KCP: variants seen among roughly 807,000 people sequenced by gnomAD.
The protein encoded by KCP is kielin/chordin-like protein.
In KCP, 194 loss-of-function variants were observed where a neutral mutation model predicts 212.7. The observed-to-expected ratio is 0.91, with a 90% CI of 0.81 to 1.03. The LOEUF is 1.03. KCP is among the 50% of genes least tolerant of loss of function. The probability of loss-of-function intolerance (pLI) is 0.00; values close to 1 mark genes in which losing one functional copy is unlikely to be tolerated. For missense variants in KCP, 2,080 were observed against 2,162.5 expected (o/e 0.96, Z 0.76); for synonymous variants, 833 against 865.3 (o/e 0.96, Z 0.65).
chr7:128,882,055 G>A, intron 29 of KCP, 39 bp from the exon 30 acceptor site: 4 of 1,480,316 alleles, frequency 2.7e-6, no homozygotes, highest in Non-Finnish European at 3.7e-6. Context: ...ACAGAAAGAG[G>A]GGCACAGGGC....
chr7:128,905,262 AT>A (rs1795068101), intron 5 of KCP, among the ~76,000 whole-genome samples: 1 of 152,132 alleles, frequency 6.6e-6, no homozygotes, highest in African/African-American at 2.4e-5. Flanking sequence ...TGTCCTAAAT[AT>A]TGCATAGGAT....
In KCP at chr7:128,884,108, C is replaced by T; in HGVS notation, c.3138G>A (p.Gly1046=). The change falls in exon 29 of 40, where the codon GGG becomes GGA. Residue 1046 remains glycine, a synonymous_variant. Transcript: ENST00000610776. The part of the protein sequence containing the change: ...EVCICEPQPE[G]PPSLRCHRRQ... The stretch of plus-strand genomic sequence containing the variant: ...GCCGGTGACAGCGAAGGCTGGGAGG[C>T]CCCTCAGGCTGTGGCTACAAGAATG... 1.3e-6 allele frequency: 2 copies of T among 1,544,398 alleles called. No homozygotes were observed.
intron 27 of KCP, 44 bp from the exon 28 acceptor site, chr7:128,884,907 G>C (rs918535485): frequency 2.6e-6 from 4 of 1,536,674 alleles, no homozygotes; most frequent in Non-Finnish European, 3.5e-6. Flanking sequence ...GGGTCCTTCA[G>C]GCTGGCAGCG....
rs1795177223 is a variant in KCP at position 128,907,345 on chromosome 7, C to T, written c.328G>A (p.Glu110Lys). ...GRAWPEGARW[E>K]PDACTACVCQ... ...ACGCAGGCTGTGCAGGCGTCAGGCT[C>T]CCAGCGTGCCCCCTCGGGCCAGGCA... Residue 110 changes from glutamate (E) to lysine (K), a missense_variant, in exon 3 of 40, where the codon GAG becomes AAG. Glu to Lys is a moderately conservative substitution (Grantham distance 56). Coordinates refer to ENST00000610776, the MANE Select transcript of KCP (RefSeq NM_001366122.1). The T allele has an allele frequency of 6.5e-7, 1 of 1,542,884 alleles. No individual in the cohort carries two copies. The highest frequency in any genetic ancestry group is 8.8e-7 in the Non-Finnish European group (1 of 1,140,692).
At chr7:128,904,315 TGG>T in intron 5 of KCP, 177 bp from the exon 6 acceptor site, 2 of 1,552,006 alleles carry the variant, frequency 1.3e-6, no homozygotes, top group South Asian at 2.4e-5. Context: ...ACTCCCCAGG[TGG>T]GGTGCAGCTC....
At chr7:128,884,412 C>CT (rs1793518462) in intron 28 of KCP, among the ~76,000 whole-genome samples, 1 of 152,160 alleles carries the variant, frequency 6.6e-6, no homozygotes, top group African/African-American at 2.4e-5. Flanking sequence ...AGGCCCATGG[C>CT]TTAGTACCCT....
At chr7:128,880,973 C>T (rs1793294816) in intron 32 of KCP, 24 bp downstream of exon 32, 1 of 398,936 alleles carries the variant, frequency 2.5e-6, no homozygotes, top group Non-Finnish European at 4.4e-6. Context: ...GATCCTCCAC[C>T]CTCCCAGGCC....
In KCP at chr7:128,904,112, C is replaced by T. The variant is rs2128950161; in HGVS notation, c.598G>A (p.Glu200Lys). The change falls in exon 6 of 40, where the codon GAG becomes AAG. Residue 200 changes from glutamate (E) to lysine (K), a missense_variant. By Grantham distance (56) the Glu-to-Lys change is moderately conservative (BLOSUM62 1). Coordinates refer to ENST00000610776, the MANE Select transcript of KCP (RefSeq NM_001366122.1). Reference sequence around the variant, plus strand: ...CTGGACAGGAAGGTGACCCCCTCCTCATAAAGCTGCCCCTCATAATCACAG... The same window carrying T: ...CTGGACAGGAAGGTGACCCCCTCCTTATAAAGCTGCCCCTCATAATCACAG... ...PGCDYEGQLY[E>K]EGVTFLSSSN... 1 of 1,551,668 alleles carries T rather than the reference C, an allele frequency of 6.4e-7. No individual in the cohort carries two copies. Among genetic ancestry groups the T allele is most frequent in the South Asian group, 1.2e-5 (1 of 84,062 alleles).
chr7:128,905,740 G>A (rs1210100539), intron 5 of KCP, among the ~76,000 whole-genome samples: 2 of 152,046 alleles, frequency 1.3e-5, no homozygotes, highest in South Asian at 2.1e-4. Flanking sequence ...TGTTCCCACT[G>A]GCCTTCCCAC....
At position 128,877,086 on chromosome 7, in the gene KCP, C is replaced by T. The variant is rs777773321; in HGVS notation, c.4844G>A (p.Gly1615Asp). 6.6e-7 allele frequency: 1 copy of T among 1,520,260 alleles called. No individual in the cohort carries two copies. Among genetic ancestry groups the T allele is most frequent in the Non-Finnish European group, 8.8e-7 (1 of 1,138,486 alleles). 94.2% of individuals were successfully genotyped at this position (1,520,260 alleles called of 1,614,324 possible). A position where few individuals can be genotyped will look rare whatever the true frequency, so the allele number is the denominator to read the frequency against. ...QVLLTGDQPLGARPSPSREPQ... is the reference protein window; with the variant it reads ...QVLLTGDQPLDARPSPSREPQ... ...CTCCCGGCTGGGGCTGGGCCGAGCA[C>T]CAAGTGGCTGGTCTCCAGTGAGCAG... The change falls in exon 40 of 40, where the codon GGT becomes GAT. Residue 1615 changes from glycine to aspartate, a missense_variant. Transcript: ENST00000610776.
chr7:128,891,880 G>T, intron 16 of KCP, 61 bp from the exon 17 acceptor site: 1 of 1,298,840 alleles, frequency 7.7e-7, no homozygotes. Context: ...TCCAGCCCTG[G>T]AGTCCAGAGC....
intron 27 of KCP, 76 bp downstream of exon 27, chr7:128,885,021 G>C (rs936879129): frequency 1.3e-6 from 2 of 1,532,992 alleles, no homozygotes; most frequent in African/African-American, 2.8e-5. Flanking sequence ...TCTGCCACCC[G>C]GCCCAGCAGC....
At position 128,882,001 on chromosome 7, in the gene KCP, C is replaced by G; in HGVS notation, c.3260G>C (p.Cys1087Ser). The G allele has an allele frequency of 6.4e-7, 1 of 1,551,166 alleles. No individual in the cohort carries two copies. Among genetic ancestry groups the G allele is most frequent in the Non-Finnish European group, 8.7e-7 (1 of 1,146,920 alleles). Residue 1087 changes from cysteine to serine, a missense_variant, in exon 30 of 40, where the codon TGT (cysteine) becomes TCT (serine). By Grantham distance (112) the Cys-to-Ser change is moderately radical. Transcript: ENST00000610776. ...CTCAGATCCCAGCAGGCCCTCTGAA[C>G]AGTTACTCAAGGCCTCTGTGAAGAC... ...CPTCAEALSN[C>S]SEGLLGSELA... is the part of the protein sequence containing the mutation.
intron 37 of KCP, 90 bp from the exon 38 acceptor site, chr7:128,878,812 G>C: frequency 7.7e-7 from 1 of 1,293,104 alleles, no homozygotes; most frequent in African/African-American, 1.5e-5. Flanking sequence ...ACTGTGTTCA[G>C]TGCGGCCAGT....
At chr7:128,903,949 C>A in intron 6 of KCP, 107 bp downstream of exon 6, 1 of 1,366,438 alleles carries the variant, frequency 7.3e-7, no homozygotes. Flanking sequence ...CTGGCTCCAC[C>A]TCTCGGGAGG....
rs541779684 is a variant in KCP, at chr7:128,909,283, G to A, written c.77-715C>T. On this transcript the variant is annotated intron_variant, in intron 1 of 39. Transcript: ENST00000610776. ...GGCAGGGAAGTTGAGGGTCTGGAGC[G>A]GAGGCAATAGGAACAGAGAGAGGAG... Among the ~76,000 whole-genome samples, 14 of 152,244 alleles carry A rather than the reference G, an allele frequency of 9.2e-5. No individual in the cohort carries two copies. The South Asian group carries it at 1.0e-3, about 11-fold the overall frequency.
chr7:128,907,287 TG>T lies in KCP; in HGVS notation c.385del (p.Gln129LysfsTer90). The T allele has an allele frequency of 6.5e-7, 1 of 1,535,388 alleles. No individual in the cohort carries two copies. Among genetic ancestry groups the T allele is most frequent in the Non-Finnish European group, 8.8e-7 (1 of 1,134,134 alleles). ...CQDGAAHCGP[Q>X]AHLPHCRGCS... ...ACCCCTGCAATGGGGCAGGTGTGCT[TG>T]GGGGCCACAGTGAGCGGCCCCATCC... On this transcript the variant is annotated frameshift_variant, in exon 3 of 40. Transcript: ENST00000610776. LOFTEE classifies it high-confidence loss of function.
At chr7:128,896,518 C>T (rs147640145) in intron 8 of KCP, among the ~76,000 whole-genome samples, 127 of 152,228 alleles carry the variant, frequency 8.3e-4, no homozygotes, top group African/African-American at 3.0e-3. Flanking sequence ...CAGGATTAGG[C>T]AAGTACAGGA....
chr7:128,908,251 G>GAAAAAGA (rs10565205), intron 2 of KCP, among the ~76,000 whole-genome samples, 175 bp downstream of exon 2: 7 of 101,212 alleles, frequency 6.9e-5, no homozygotes, highest in African/African-American at 2.3e-4. Flanking sequence ...AAGAAAGAAA[G>GAAAAAGA]AAGAAAGAAA....
Sources: gnomAD v4.1 joint callset for allele counts (sites outside exome capture counted in the v4.1 genomes callset) on GRCh38, gnomAD v4.1.1 for gene constraint, MANE v1.5 for transcripts, NCBI Gene and HGNC (gene_info 2026-07-23, HGNC 2026-07-21) for gene names.